TMPRSS15: variants seen among roughly 807,000 people sequenced by gnomAD.
The protein encoded by TMPRSS15 is enteropeptidase.
In TMPRSS15, 128 loss-of-function variants were observed where a neutral mutation model predicts 125.3. The ratio of observed to expected loss-of-function variants is 1.02; its 90% confidence interval spans 0.89 to 1.18. The LOEUF (loss-of-function observed/expected upper bound fraction) is 1.18, where lower values mean the gene tolerates loss of function less well. TMPRSS15 is among the 50% of genes most tolerant of loss of function. TMPRSS15 has a pLI of 0.00. For synonymous variants in TMPRSS15, 446 were observed against 423.2 expected, an observed-to-expected ratio of 1.05 and a Z score of -0.66; for missense variants, 1,283 against 1,212.7, an observed-to-expected ratio of 1.06 and a Z score of -0.86.
chr21:18,326,670 A>G, intron 15 of TMPRSS15, 98 bp from the exon 16 acceptor site: 3 of 1,382,102 alleles, frequency 2.2e-6, no homozygotes, highest in Non-Finnish European at 3.1e-6. Context: ...ACGTAGGGCT[A>G]CATGTTACAT....
chr21:18,440,483 C>T (rs1052146064), intron 1 of TMPRSS15, among the ~76,000 whole-genome samples: 1 of 151,272 alleles, frequency 6.6e-6, no homozygotes, highest in African/African-American at 2.4e-5. Context: ...ATCTTAGAAC[C>T]TCCATTTCCC....
chr21:18,363,733 T>C (rs1203582636), intron 7 of TMPRSS15, among the ~76,000 whole-genome samples: 1 of 152,100 alleles, frequency 6.6e-6, no homozygotes, highest in Non-Finnish European at 1.5e-5. Context: ...TGTGTGTTTC[T>C]GCATCAGAAA....
chr21:18,325,075 C>T (rs867113128), intron 16 of TMPRSS15, among the ~76,000 whole-genome samples: 3 of 150,100 alleles, frequency 2.0e-5, no homozygotes, highest in African/African-American at 4.9e-5. Context: ...ATTCTCGCCA[C>T]ACACACACAC....
chr21:18,439,486 C>T (rs2076236266), intron 1 of TMPRSS15, among the ~76,000 whole-genome samples: 1 of 152,116 alleles, frequency 6.6e-6, no homozygotes, highest in African/African-American at 2.4e-5. Flanking sequence ...ATTTTTTAAA[C>T]ATAGAACATT....
chr21:18,335,939 CTT>C (rs5842685), intron 13 of TMPRSS15, among the ~76,000 whole-genome samples: 6,477 of 140,860 alleles, frequency 0.046, 378 homozygotes, highest in African/African-American at 0.15. Context: ...TGTTAAATTC[CTT>C]TTTTTTTTTT....
intron 3 of TMPRSS15, among the ~76,000 whole-genome samples, chr21:18,387,964 C>T (rs2075960036): frequency 6.6e-6 from 1 of 151,870 alleles, no homozygotes. Context: ...TCTACTGTTT[C>T]CTATGAGTGG....
intron 10 of TMPRSS15, among the ~76,000 whole-genome samples, chr21:18,350,982 T>C (rs1257337989): frequency 6.6e-6 from 1 of 152,108 alleles, no homozygotes; most frequent in Non-Finnish European, 1.5e-5. Context: ...TACTAAAATC[T>C]ATTTTTATTA....
chr21:18,329,208 C>A lies in TMPRSS15; in HGVS notation c.1741G>T (p.Glu581Ter), dbSNP rs2075320961. 4 of 1,612,676 alleles carry A rather than the reference C, an allele frequency of 2.5e-6. No individual in the cohort carries two copies. Among genetic ancestry groups the A allele is most frequent in the Non-Finnish European group, 3.4e-6 (4 of 1,179,054 alleles). ...FDLENINDVVEIRDGEEADSL... is the reference protein window; with the variant it reads ...FDLENINDVV ...TCAGCTTCTTCACCATCTCTTATTT[C>A]AACTACATCGTTAATATTTTCTAAG... The change falls in exon 15 of 25, where the codon GAA (glutamate) becomes TAA (stop). Residue 581 changes from glutamate (E) to a stop codon, truncating the protein, a stop_gained. Transcript: ENST00000284885. LOFTEE classifies it high-confidence loss of function.
chr21:18,433,677 A>G (rs2076221442), intron 1 of TMPRSS15, among the ~76,000 whole-genome samples: 1 of 151,182 alleles, frequency 6.6e-6, no homozygotes. Context: ...AAAAAAAAAA[A>G]AAAAAAAAAG....
chr21:18,315,378 G>T (rs1178132821), intron 16 of TMPRSS15, 122 bp from the exon 17 acceptor site: 13 of 762,054 alleles, frequency 1.7e-5, no homozygotes, highest in Non-Finnish European at 2.7e-5. Flanking sequence ...GGTGGAACCA[G>T]CTTTGATACT....
intron 6 of TMPRSS15, among the ~76,000 whole-genome samples, chr21:18,365,729 C>T (rs1160870495): frequency 8.9e-6 from 1 of 112,172 alleles, no homozygotes; most frequent in Non-Finnish European, 1.8e-5. Flanking sequence ...TCTTTCTCTT[C>T]TTTCTCTTTT....
At chr21:18,484,425 G>T (rs546459639) in intron 1 of TMPRSS15, among the ~76,000 whole-genome samples, 2 of 151,738 alleles carry the variant, frequency 1.3e-5, no homozygotes, top group African/African-American at 4.8e-5. Flanking sequence ...AATTGTAGAA[G>T]GATTTAATCA....
intron 10 of TMPRSS15, 131 bp from the exon 11 acceptor site, chr21:18,344,191 C>G: frequency 1.3e-6 from 1 of 778,908 alleles, no homozygotes; most frequent in East Asian, 2.7e-5. Flanking sequence ...ATATAGTGGA[C>G]AGGACACTAG....
chr21:18,401,772 T>A (rs1366183321), intron 1 of TMPRSS15, among the ~76,000 whole-genome samples: 1 of 152,226 alleles, frequency 6.6e-6, no homozygotes, highest in Non-Finnish European at 1.5e-5. Context: ...TGCATTATGA[T>A]CTCTGATGTA....
intron 21 of TMPRSS15, among the ~76,000 whole-genome samples, chr21:18,290,490 C>A (rs1388205989): frequency 1.3e-5 from 2 of 148,388 alleles, no homozygotes; most frequent in Non-Finnish European, 3.0e-5. Context: ...GATAAAGGAG[C>A]AAGCTTGAGG....
At chr21:18,333,220 C>T (rs1203741768) in intron 13 of TMPRSS15, among the ~76,000 whole-genome samples, 2 of 152,022 alleles carry the variant, frequency 1.3e-5, no homozygotes, top group African/African-American at 2.4e-5. Flanking sequence ...GTGTAACAAA[C>T]CTGCACTTGT....
upstream of TMPRSS15, among the ~76,000 whole-genome samples, chr21:18,406,877 A>T (rs1005424549): frequency 6.6e-6 from 1 of 152,210 alleles, no homozygotes; most frequent in Non-Finnish European, 1.5e-5. Context: ...ATATAGGGAA[A>T]ACTTAAGTGT....
chr21:18,294,979 A>AT (rs2074885213), intron 19 of TMPRSS15, among the ~76,000 whole-genome samples: 1 of 152,216 alleles, frequency 6.6e-6, no homozygotes, highest in African/African-American at 2.4e-5. Context: ...CAATAAAACT[A>AT]TTACAGGGCC....
chr21:18,453,004 T>C (rs1448731159), intron 1 of TMPRSS15, among the ~76,000 whole-genome samples: 3 of 152,204 alleles, frequency 2.0e-5, no homozygotes, highest in African/African-American at 7.2e-5. Flanking sequence ...CAATACTGCA[T>C]TTTAACTATA....
Sources: allele counts gnomAD v4.1 joint callset (sites outside exome capture counted in the v4.1 genomes callset), GRCh38; gene constraint gnomAD v4.1.1; transcripts MANE v1.5; gene names NCBI Gene and HGNC (gene_info 2026-07-23, HGNC 2026-07-21).